Variants in IGSF3 observed in about 807,000 individuals in gnomAD.
IGSF3 encodes immunoglobulin superfamily member 3.
A neutral mutation model predicts 114.4 loss-of-function variants in IGSF3; 23 were observed. The observed-to-expected ratio is 0.20, with a 90% confidence interval of 0.14 to 0.28. The LOEUF (loss-of-function observed/expected upper bound fraction) is 0.28, where lower values mean the gene tolerates loss of function less well. Among genes scored for constraint, IGSF3 ranks in the 10% least tolerant of loss-of-function variants. The pLI, the probability that IGSF3 is intolerant of heterozygous loss-of-function variation, is 1.00. For missense variants in IGSF3, 1,172 were observed against 1,591.5 expected (o/e 0.74, Z 4.48); for synonymous variants, 571 against 645.2 (o/e 0.88, Z 1.74).
chr1:116,643,328 GC>G, intron 2 of IGSF3, among the ~76,000 whole-genome samples: 1 of 152,336 alleles, frequency 6.6e-6, no homozygotes, highest in African/African-American at 2.4e-5. Flanking sequence ...CAACGGAACT[GC>G]CCCAGGGCTG....
chr1:116,633,502 A>G lies in IGSF3; in HGVS notation c.44-17045T>C, dbSNP rs1485050132. On this transcript the variant is annotated intron_variant, in intron 2 of 10. Transcript: ENST00000369486. The surrounding 1 kb of genome is among the most constrained non-coding windows in gnomAD (Gnocchi z 4.3). ...CAAGACTGTGTAATTCTGTGATACC[A>G]GTATTGAAAGCCCCTGCATTTCCCT... Among the ~76,000 whole-genome samples, 4 of 152,178 alleles carry G rather than the reference A, an allele frequency of 2.6e-5. No homozygotes were observed. Among genetic ancestry groups the G allele is most frequent in the Non-Finnish European group, 5.9e-5 (4 of 68,032 alleles).
rs997796047 is a variant in IGSF3 at position 116,583,712 on chromosome 1, A to G, written c.2848+933T>C. Among the ~76,000 whole-genome samples, 2 of 152,204 alleles carry G rather than the reference A, an allele frequency of 1.3e-5. No individual in the cohort carries two copies. The highest frequency in any genetic ancestry group is 4.8e-5 in the African/African-American group (2 of 41,452). On this transcript the variant is annotated intron_variant, in intron 9 of 10. Transcript: ENST00000369486. The surrounding 1 kb of genome is among the most constrained non-coding windows in gnomAD (Gnocchi z 4.5). ...CAGGAACCATCGACTTTTCATTCTA[A>G]TATGAATGGATGATGCTGTGATGTT...
chr1:116,621,507 G>C (rs74890571), intron 2 of IGSF3, among the ~76,000 whole-genome samples: 1 of 152,078 alleles, frequency 6.6e-6, no homozygotes, highest in Admixed American at 6.5e-5. Flanking sequence ...GGGAGACTCC[G>C]AGTCAGAAGT....
At position 116,666,276 on chromosome 1, in the gene IGSF3, C is replaced by T; in HGVS notation, c.43+8G>A. ...ACATCGATTGCACTGATAAGCAGAG[C>T]CACTTACCCAGCACAGCCAGACAGC... On this transcript the variant is annotated splice_region_variant and intron_variant, in intron 2 of 10. Transcript: ENST00000369486. 1 of 1,613,566 alleles carries T rather than the reference C, an allele frequency of 6.2e-7. No individual in the cohort carries two copies. The highest frequency in any genetic ancestry group is 8.5e-7 in the Non-Finnish European group (1 of 1,179,498).
At chr1:116,578,411 T>C (rs981040230) in intron 10 of IGSF3, among the ~76,000 whole-genome samples, 7 of 152,360 alleles carry the variant, frequency 4.6e-5, no homozygotes, top group Non-Finnish European at 5.9e-5. Flanking sequence ...TTTTACTGAA[T>C]AGCTGTTGCT....
Position 116,648,315 on chromosome 1 carries a change from A to G in IGSF3, c.43+17969T>C, listed in dbSNP as rs1356530880. ...ATGCCAGCAATGCCGGCTGTCTCCC[A>G]AGTCTGAAGGGTTTTCCTCTGGGTA... On this transcript the variant is annotated intron_variant, in intron 2 of 10. Coordinates refer to ENST00000369486, the MANE Select transcript of IGSF3 (RefSeq NM_001007237.3). This position sits in a 1 kb window ranked among gnomAD's most constrained non-coding sequence, Gnocchi z 4.7. Among the ~76,000 whole-genome samples the G allele has an allele frequency of 1.3e-5, 2 of 152,206 alleles. No individual in the cohort carries two copies. Among genetic ancestry groups the G allele is most frequent in the African/African-American group, 4.8e-5 (2 of 41,448 alleles).
In IGSF3 at chr1:116,579,374, T is replaced by C; in HGVS notation, c.3334+18A>G. The C allele has an allele frequency of 1.3e-6, 2 of 1,534,530 alleles. No individual in the cohort carries two copies. The highest frequency in any genetic ancestry group is 1.8e-6 in the Non-Finnish European group (2 of 1,140,552). On this transcript the variant is annotated intron_variant, in intron 10 of 10. Coordinates refer to ENST00000369486, the MANE Select transcript of IGSF3 (RefSeq NM_001007237.3). This position sits in a 1 kb window ranked among gnomAD's most constrained non-coding sequence, Gnocchi z 6.4. ...GGAACCAACAGTGACATCCTCCCTC[T>C]GTACTTGGGAAACTCACTTGTATCT...
rs1397425429 is a variant in IGSF3 at position 116,596,817 on chromosome 1, C to T, written c.2029+3124G>A. Among the ~76,000 whole-genome samples the T allele has an allele frequency of 6.6e-6, 1 of 152,178 alleles. No individual in the cohort carries two copies. Among genetic ancestry groups the T allele is most frequent in the Non-Finnish European group, 1.5e-5 (1 of 68,026 alleles). On this transcript the variant is annotated intron_variant, in intron 7 of 10. Transcript: ENST00000369486. This position sits in a 1 kb window ranked among gnomAD's most constrained non-coding sequence, Gnocchi z 4.1. ...TTTATGTAACTTCTGTGTCAGTGTC[C>T]TCATCTGTGAAGTTGGGTAAAACGG...
At position 116,604,090 on chromosome 1, in the gene IGSF3, G is replaced by A. The variant is rs1194979224; in HGVS notation, c.1223-65C>T. ...GTCTCCACAGCGCCCTCCCCACAGA[G>A]GAAACAGGAGAAGGGGTGCAAATGG... On this transcript the variant is annotated intron_variant, in intron 5 of 10. Transcript: ENST00000369486. The A allele has an allele frequency of 4.5e-6, 6 of 1,345,882 alleles. No individual in the cohort carries two copies. In the East Asian group the frequency reaches 7.5e-5, roughly 17 times the overall value. The allele number at this position is 1,345,882 out of a possible 1,614,324, so 83.4% of individuals were successfully genotyped here.
At position 116,624,898 on chromosome 1, in the gene IGSF3, C is replaced by T. The variant is rs1435712157; in HGVS notation, c.44-8441G>A. On this transcript the variant is annotated intron_variant, in intron 2 of 10. Transcript: ENST00000369486. The surrounding 1 kb of genome is among the most constrained non-coding windows in gnomAD (Gnocchi z 4.9). ...TGGCTCCAGCCAGGTCCACCTGCCA[C>T]AATGTGAGTGAATGAGCCAATCAGC... Among the ~76,000 whole-genome samples the T allele has an allele frequency of 2.0e-5, 3 of 152,196 alleles. No homozygotes were observed. The highest frequency in any genetic ancestry group is 7.2e-5 in the African/African-American group (3 of 41,436).
At chr1:116,608,844 A>G (rs1366184231) in intron 4 of IGSF3, among the ~76,000 whole-genome samples, 2 of 152,142 alleles carry the variant, frequency 1.3e-5, no homozygotes, top group East Asian at 3.9e-4. Context: ...AGATGACTAT[A>G]TTAAAATTCC....
chr1:116,619,054 G>A (rs191290431), intron 2 of IGSF3, among the ~76,000 whole-genome samples: 293 of 152,280 alleles, frequency 1.9e-3, no homozygotes, highest in African/African-American at 6.7e-3. Context: ...CAAATCAGGT[G>A]TAGCAAAGCA....
At position 116,651,118 on chromosome 1, in the gene IGSF3, C is replaced by A. The variant is rs1459049921; in HGVS notation, c.43+15166G>T. 6.6e-6 allele frequency among the ~76,000 whole-genome samples: 1 copy of A among 152,268 alleles called. No homozygotes were observed. Among genetic ancestry groups the A allele is most frequent in the Non-Finnish European group, 1.5e-5 (1 of 68,050 alleles). On this transcript the variant is annotated intron_variant, in intron 2 of 10. Transcript: ENST00000369486. The surrounding 1 kb of genome is among the most constrained non-coding windows in gnomAD (Gnocchi z 4.4). Reference sequence around the variant, plus strand: ...AAGGAACGCCCATGCCTAGCCATAACTGAGCACATCACAGACTCACACAAA... The same window carrying A: ...AAGGAACGCCCATGCCTAGCCATAAATGAGCACATCACAGACTCACACAAA...
At position 116,657,926 on chromosome 1, in the gene IGSF3, T is replaced by C. The variant is rs1396199951; in HGVS notation, c.43+8358A>G. On this transcript the variant is annotated intron_variant, in intron 2 of 10. Coordinates refer to ENST00000369486, the MANE Select transcript of IGSF3 (RefSeq NM_001007237.3). The surrounding 1 kb of genome is among the most constrained non-coding windows in gnomAD (Gnocchi z 4.2). ...TATCAGATTTTTTTTTCTGTTTTAATAAAGAGAAGGCCTGGACACCTGAAA... is the reference window on the plus strand; with the variant it reads ...TATCAGATTTTTTTTTCTGTTTTAACAAAGAGAAGGCCTGGACACCTGAAA... Among the ~76,000 whole-genome samples the C allele has an allele frequency of 1.3e-5, 2 of 151,636 alleles. No homozygotes were observed. Among genetic ancestry groups the C allele is most frequent in the African/African-American group, 4.8e-5 (2 of 41,272 alleles).
Position 116,579,149 on chromosome 1 carries a change from G to A in IGSF3, c.3334+243C>T, listed in dbSNP as rs966712337. Among the ~76,000 whole-genome samples, 13 of 152,070 alleles carry A rather than the reference G, an allele frequency of 8.5e-5. No individual in the cohort carries two copies. The highest frequency in any genetic ancestry group is 1.8e-4 in the Non-Finnish European group (12 of 68,026). ...CTAAAATTGAATCTGGTAGAACATC[G>A]AGTTTATTATAAAGATTATATGGTA... is the stretch of plus-strand genomic sequence containing the variant. On this transcript the variant is annotated intron_variant, in intron 10 of 10. Transcript: ENST00000369486. This position sits in a 1 kb window ranked among gnomAD's most constrained non-coding sequence, Gnocchi z 6.4.
rs1557871931 is a variant in IGSF3 at position 116,614,032 on chromosome 1, C to T, written c.565G>A (p.Gly189Ser). The T allele has an allele frequency of 1.9e-6, 3 of 1,614,140 alleles. No individual in the cohort carries two copies. The highest frequency in any genetic ancestry group is 2.5e-6 in the Non-Finnish European group (3 of 1,180,022). The change falls in exon 4 of 11, where the codon GGC becomes AGC. Residue 189 changes from glycine (G) to serine (S), a missense_variant. Gly to Ser is a moderately conservative substitution (Grantham distance 56). Coordinates refer to ENST00000369486, the MANE Select transcript of IGSF3 (RefSeq NM_001007237.3). The surrounding 1 kb of genome is among the most constrained non-coding windows in gnomAD (Gnocchi z 4.5). The part of the protein sequence containing the change: ...LSVAWLRQKV[G>S]EKPVEVISLS... ...GAGATGACCTCCACGGGCTTCTCGC[C>T]AACTTTCTGCCGGAGCCAGGCCACA...
rs1168300946 is a variant in IGSF3, at chr1:116,603,746, C to A, written c.1502G>T (p.Ser501Ile). ...ATACTGGCCCTCGTCCTCCTTCCTG[C>A]TGTTGAAGATGCCCAGGCTGAACGA... is the stretch of plus-strand genomic sequence containing the variant. Reference protein sequence around the residue: ...PNSFSLGIFNSRKEDEGQYEC... With the variant: ...PNSFSLGIFNIRKEDEGQYEC... The change falls in exon 6 of 11, where the codon AGC becomes ATC. Residue 501 changes from serine (S) to isoleucine (I), a missense_variant. By Grantham distance (142) the Ser-to-Ile change is moderately radical. Coordinates refer to ENST00000369486, the MANE Select transcript of IGSF3 (RefSeq NM_001007237.3). This position sits in a 1 kb window ranked among gnomAD's most constrained non-coding sequence, Gnocchi z 7.1. 2 of 1,613,904 alleles carry A rather than the reference C, an allele frequency of 1.2e-6. No individual in the cohort carries two copies. The highest frequency in any genetic ancestry group is 2.7e-5 in the African/African-American group (2 of 74,930).
chr1:116,591,603 GA>G (rs1462635915), intron 7 of IGSF3, among the ~76,000 whole-genome samples: 3 of 152,206 alleles, frequency 2.0e-5, no homozygotes, highest in African/African-American at 7.2e-5. Context: ...AAGCTTGAAA[GA>G]GAGGCATTTT....
rs1434800519 is a variant in IGSF3, at chr1:116,616,565, T to C, written c.44-108A>G. 1.1e-6 allele frequency: 1 copy of C among 922,614 alleles called. No individual in the cohort carries two copies. Among genetic ancestry groups the C allele is most frequent in the East Asian group, 2.5e-5 (1 of 39,882 alleles). 57.2% of individuals were successfully genotyped at this position (922,614 alleles called of 1,614,324 possible). On this transcript the variant is annotated intron_variant, in intron 2 of 10. Transcript: ENST00000369486. This position sits in a 1 kb window ranked among gnomAD's most constrained non-coding sequence, Gnocchi z 6.6. ...TGTTATTTGTGTGACATGATAATAA[T>C]ATAAACAGCTTACTGGCCCTTTCAA...
Sources: allele counts gnomAD v4.1 joint callset (sites outside exome capture counted in the v4.1 genomes callset), GRCh38; gene constraint gnomAD v4.1.1; non-coding constraint Gnocchi (gnomAD v3.1); transcripts MANE v1.5; gene names NCBI Gene and HGNC (gene_info 2026-07-23, HGNC 2026-07-21).